Variants in CCDC175 observed in about 807,000 individuals in gnomAD.
The protein encoded by CCDC175 is coiled-coil domain containing 175, also known as coiled-coil domain-containing protein 175.
In CCDC175, 100 loss-of-function variants were observed where a neutral mutation model predicts 114.6. The ratio of observed to expected loss-of-function variants is 0.87; its 90% CI spans 0.74 to 1.03. The LOEUF (loss-of-function observed/expected upper bound fraction) is 1.03. Among genes scored for constraint, CCDC175 ranks in the 50% least tolerant of loss-of-function variants. The probability of loss-of-function intolerance (pLI) is 0.00; values close to 1 mark genes in which losing one functional copy is unlikely to be tolerated. For synonymous variants in CCDC175, 306 were observed against 308.7 expected, an observed-to-expected ratio of 0.99 and a Z score of 0.09; for missense variants, 880 against 917.8, an observed-to-expected ratio of 0.96 and a Z score of 0.53.
At chr14:59,526,884 C>T (rs1340953422) in intron 15 of CCDC175, among the ~76,000 whole-genome samples, 1 of 152,128 alleles carries the variant, frequency 6.6e-6, no homozygotes, top group Admixed American at 6.6e-5. Flanking sequence ...TACATATATA[C>T]ACATACATAC....
intron 17 of CCDC175, among the ~76,000 whole-genome samples, chr14:59,517,935 A>G (rs1411688089): frequency 2.6e-5 from 4 of 152,208 alleles, no homozygotes; most frequent in Non-Finnish European, 5.9e-5. Context: ...ACAAGGCTAC[A>G]GTAACCAAGA....
chr14:59,543,168 T>A (rs541154362), intron 10 of CCDC175, among the ~76,000 whole-genome samples, 176 bp downstream of exon 10: 87 of 152,298 alleles, frequency 5.7e-4, no homozygotes, highest in African/African-American at 2.1e-3. Context: ...AACCTGTTTA[T>A]CCTTTCAATG....
intron 16 of CCDC175, among the ~76,000 whole-genome samples, chr14:59,523,846 G>A (rs1042764820): frequency 3.3e-5 from 5 of 152,146 alleles, no homozygotes; most frequent in African/African-American, 1.2e-4. Flanking sequence ...AAAATTAGCC[G>A]GGCATGGTGG....
At chr14:59,511,622 G>C (rs1428767560) in intron 18 of CCDC175, 138 bp downstream of exon 18, 13 of 553,490 alleles carry the variant, frequency 2.3e-5, no homozygotes, top group Non-Finnish European at 4.1e-5. Flanking sequence ...AGGGGAGTGA[G>C]AGAGCTAGTG....
chr14:59,538,820 A>G lies in CCDC175; in HGVS notation c.1376T>C (p.Met459Thr). ...SQRCVITQWK[M>T]ACLRKKHARW... ...TGCATGCTTTTTTCTCAAGCAAGCC[A>G]TTTTCCACTGAGTTATAACACTAGA... The change falls in exon 12 of 20, where the codon ATG (methionine) becomes ACG (threonine). Residue 459 changes from methionine to threonine, a missense_variant. Met to Thr is a moderately conservative substitution (Grantham distance 81). Coordinates refer to ENST00000537690, the MANE Select transcript of CCDC175 (RefSeq NM_001164399.2). The G allele has an allele frequency of 6.5e-7, 1 of 1,536,886 alleles. No individual in the cohort carries two copies. The highest frequency in any genetic ancestry group is 8.7e-7 in the Non-Finnish European group (1 of 1,146,702).
chr14:59,521,331 G>A (rs906204045), intron 17 of CCDC175, among the ~76,000 whole-genome samples: 1 of 152,086 alleles, frequency 6.6e-6, no homozygotes, highest in African/African-American at 2.4e-5. Context: ...GGGGCTCTTG[G>A]GCCTTTGGCC....
chr14:59,532,787 C>T (rs1019241447), intron 13 of CCDC175, among the ~76,000 whole-genome samples: 3 of 152,170 alleles, frequency 2.0e-5, no homozygotes, highest in African/African-American at 7.2e-5. Flanking sequence ...GCCACCCTGC[C>T]AGCCCTGGAC....
intron 8 of CCDC175, among the ~76,000 whole-genome samples, chr14:59,549,324 G>A (rs1895311247): frequency 1.3e-5 from 2 of 152,272 alleles, no homozygotes; most frequent in South Asian, 2.1e-4. Flanking sequence ...AACCAGCCGA[G>A]GCAACATAAA....
Position 59,508,584 on chromosome 14 carries a change from AAGAG to A in CCDC175, c.2305+2058_2305+2061del, listed in dbSNP as rs1317367070. Among the ~76,000 whole-genome samples the A allele has an allele frequency of 1.9e-3, 290 of 150,602 alleles. 1 individual carries two copies. The highest frequency in any genetic ancestry group is 5.9e-3 in the African/African-American group (243 of 41,108). On this transcript the variant is annotated intron_variant, in intron 19 of 19. Transcript: ENST00000537690. Reference sequence around the variant, plus strand: ...CTGTCTCAAAAAAAAAAAAAAAAAAAAGAGAGAAAAGCAAGTAATCCTGGCTGCT... The same window carrying A: ...CTGTCTCAAAAAAAAAAAAAAAAAAAAGAAAAGCAAGTAATCCTGGCTGCT...
intron 7 of CCDC175, 43 bp downstream of exon 7, chr14:59,561,076 C>T (rs762454204): frequency 1.0e-6 from 1 of 971,616 alleles, no homozygotes; most frequent in African/African-American, 1.6e-5. Flanking sequence ...ATCATATTAA[C>T]ATATCTCGAA....
At position 59,568,323 on chromosome 14, in the gene CCDC175, C is replaced by G; in HGVS notation, c.413G>C (p.Arg138Thr). 6.5e-7 allele frequency: 1 copy of G among 1,532,894 alleles called. No homozygotes were observed. 95.0% of individuals were successfully genotyped at this position (1,532,894 alleles called of 1,614,324 possible). ...TATTTCATTCTCTGTCCTTGTAATT[C>G]TCATTTTTATTGTATTTATCTCAAA... Reference protein sequence around the residue: ...NLFEINTIKMRITRTENEIEL... With the variant: ...NLFEINTIKMTITRTENEIEL... The change falls in exon 4 of 20, where the codon AGA (arginine) becomes ACA (threonine). Residue 138 changes from arginine (R) to threonine (T), a missense_variant. Transcript: ENST00000537690.
chr14:59,527,291 T>G (rs1235900886), intron 14 of CCDC175, 117 bp from the exon 15 acceptor site: 1 of 550,022 alleles, frequency 1.8e-6, no homozygotes, highest in Non-Finnish European at 3.1e-6. Flanking sequence ...AAAAACCAAC[T>G]GTCAGGCACT....
At chr14:59,524,465 T>C (rs191120741) in intron 16 of CCDC175, among the ~76,000 whole-genome samples, 298 of 152,132 alleles carry the variant, frequency 2.0e-3, no homozygotes, top group African/African-American at 6.7e-3. Flanking sequence ...AAAAAGGATA[T>C]CCAAGAGGCC....
chr14:59,532,095 C>G (rs1894106661), intron 13 of CCDC175, among the ~76,000 whole-genome samples, 185 bp from the exon 14 acceptor site: 1 of 152,150 alleles, frequency 6.6e-6, no homozygotes, highest in African/African-American at 2.4e-5. Flanking sequence ...GACTCACTGA[C>G]ACTCTGACAA....
In CCDC175 at chr14:59,551,354, C is replaced by T. The variant is rs1452266940; in HGVS notation, c.1035+1G>A. The T allele has an allele frequency of 2.3e-6, 3 of 1,302,440 alleles. No individual in the cohort carries two copies. The highest frequency in any genetic ancestry group is 3.1e-6 in the Non-Finnish European group (3 of 972,762). 80.7% of individuals were successfully genotyped at this position (1,302,440 alleles called of 1,614,324 possible). On this transcript the variant is annotated splice_donor_variant, in intron 8 of 19. Transcript: ENST00000537690. LOFTEE classifies it high-confidence loss of function. Reference sequence around the variant, plus strand: ...AAAAGTCATGACTTCTGCCTTCTTACCTGTTTTATCTTGTTCAGGAATTCA... The same window carrying T: ...AAAAGTCATGACTTCTGCCTTCTTATCTGTTTTATCTTGTTCAGGAATTCA...
intron 17 of CCDC175, among the ~76,000 whole-genome samples, chr14:59,516,990 C>T (rs1442917891): frequency 6.6e-6 from 1 of 152,298 alleles, no homozygotes. Context: ...AGGGCTTCAT[C>T]CCTGGGATGC....
chr14:59,523,464 TA>T (rs1475987739), intron 16 of CCDC175, among the ~76,000 whole-genome samples: 1 of 151,960 alleles, frequency 6.6e-6, no homozygotes, highest in Non-Finnish European at 1.5e-5. Flanking sequence ...TTAAAACTTC[TA>T]AAAAAAATAC....
At chr14:59,549,903 A>G (rs943517066) in intron 8 of CCDC175, among the ~76,000 whole-genome samples, 12 of 151,756 alleles carry the variant, frequency 7.9e-5, no homozygotes, top group Non-Finnish European at 7.4e-5. Context: ...ATGGGATCAT[A>G]TCATACATAC....
chr14:59,534,996 G>A (rs991920646), intron 13 of CCDC175, among the ~76,000 whole-genome samples: 2 of 152,070 alleles, frequency 1.3e-5, no homozygotes, highest in Non-Finnish European at 2.9e-5. Flanking sequence ...GATACTAGTG[G>A]GGAGAAAAAT....
Sources: gnomAD v4.1 joint callset for allele counts (sites outside exome capture counted in the v4.1 genomes callset) on GRCh38, gnomAD v4.1.1 for gene constraint, MANE v1.5 for transcripts, NCBI Gene and HGNC (gene_info 2026-07-23, HGNC 2026-07-21) for gene names.